Variants in ERG observed in about 807,000 individuals in gnomAD.
The protein encoded by ERG is ETS transcription factor ERG.
A neutral mutation model predicts 55.3 loss-of-function variants in ERG; 9 were observed. The observed-to-expected ratio is 0.16, with a 90% CI of 0.10 to 0.28. The LOEUF (loss-of-function observed/expected upper bound fraction) is 0.28. Among genes scored for constraint, ERG ranks in the 10% least tolerant of loss-of-function variants. ERG has a pLI of 1.00. For synonymous variants in ERG, 223 were observed against 237.3 expected (o/e 0.94, Z 0.55); for missense variants, 434 against 631.6 (o/e 0.69, Z 3.35).
intron 1 of ERG, among the ~76,000 whole-genome samples, chr21:38,476,040 G>A (rs981212909): frequency 2.6e-5 from 4 of 152,136 alleles, no homozygotes; most frequent in African/African-American, 7.2e-5. Context: ...AGGCAAATAT[G>A]TCATGATGAC....
chr21:38,474,419 G>C (rs1797440862), intron 1 of ERG, among the ~76,000 whole-genome samples: 1 of 152,172 alleles, frequency 6.6e-6, no homozygotes, highest in Admixed American at 6.5e-5. Context: ...CAGGCAGCAG[G>C]GTCCTGATGA....
chr21:38,414,061 A>C lies in ERG; in HGVS notation c.388+9349T>G, dbSNP rs78668292. On this transcript the variant is annotated intron_variant, in intron 3 of 9. Coordinates refer to ENST00000288319, the MANE Select transcript of ERG (RefSeq NM_182918.4). ...TAGTTCTGGAGGATCAAAGTCTGAA[A>C]TCAAGGTATCAGCAAGGCCTTGCTC... Among the ~76,000 whole-genome samples, 1,159 of 152,310 alleles carry C rather than the reference A, an allele frequency of 7.6e-3. 17 individuals are homozygous for C. The highest frequency in any genetic ancestry group is 0.048 in the Middle Eastern group (14 of 294).
chr21:38,428,715 C>A (rs1281104808), intron 2 of ERG, among the ~76,000 whole-genome samples: 1 of 152,062 alleles, frequency 6.6e-6, no homozygotes, highest in African/African-American at 2.4e-5. Flanking sequence ...TGCAGCAGTT[C>A]CTGAGAATAT....
chr21:38,367,881 A>G, the ERG span, among the ~76,000 whole-genome samples: 622 of 152,280 alleles, frequency 4.1e-3, 6 homozygotes, highest in African/African-American at 0.014. Flanking sequence ...GCAGAGAACA[A>G]TTAGAGTGCA....
intron 2 of ERG, among the ~76,000 whole-genome samples, chr21:38,566,676 C>T (rs962805206): frequency 1.1e-4 from 17 of 152,120 alleles, no homozygotes; most frequent in Non-Finnish European, 4.4e-5. Context: ...ACAGAAGCCA[C>T]GCAAAAGACA....
Position 38,429,532 on chromosome 21 carries a change from T to C in ERG, c.237-5971A>G, listed in dbSNP as rs559996252. Among the ~76,000 whole-genome samples the C allele has an allele frequency of 1.2e-4, 11 of 94,096 alleles. 5 individuals carry two copies. The highest frequency in any genetic ancestry group is 4.0e-4 in the Admixed American group (4 of 10,036). The allele number at this position is 94,096 out of a possible 152,430, so 61.7% of individuals were successfully genotyped here. On this transcript the variant is annotated intron_variant, in intron 2 of 9. Transcript: ENST00000288319. ...ATGTGTATATACATGTATGCACATG[T>C]ACATATATACATATGTGTATATGTA...
chr21:38,513,362 G>A lies in ERG; in HGVS notation c.-41+62300C>T, dbSNP rs138195338. On this transcript the variant is annotated intron_variant, in intron 2 of 8. Transcript: ENST00000398897. ...CCCAAAAACAGGGAATATTCAGATTGTAGGGGAAATTGGGTAAAGGATTTG... is the reference window on the plus strand; with the variant it reads ...CCCAAAAACAGGGAATATTCAGATTATAGGGGAAATTGGGTAAAGGATTTG... 6.3e-3 allele frequency among the ~76,000 whole-genome samples: 958 copies of A among 152,278 alleles called. 7 individuals carry two copies. The highest frequency in any genetic ancestry group is 0.011 in the Non-Finnish European group (715 of 68,018).
At chr21:38,617,962 A>G (rs1289486389) in intron 1 of ERG, among the ~76,000 whole-genome samples, 4 of 152,198 alleles carry the variant, frequency 2.6e-5, no homozygotes, top group Admixed American at 2.0e-4. Flanking sequence ...AGGCAGGACA[A>G]GGCCAGCCTG....
At chr21:38,577,940 C>T (rs1315597312) in intron 1 of ERG, among the ~76,000 whole-genome samples, 1 of 152,224 alleles carries the variant, frequency 6.6e-6, no homozygotes, top group Non-Finnish European at 1.5e-5. Flanking sequence ...ACCTGCAGAA[C>T]ACAGCAGAGG....
intron 2 of ERG, among the ~76,000 whole-genome samples, chr21:38,444,231 C>G (rs1445044973): frequency 1.3e-5 from 2 of 152,186 alleles, no homozygotes; most frequent in Non-Finnish European, 2.9e-5. Context: ...GGAAAATGCT[C>G]AGGGTGTGGA....
At chr21:38,634,077 T>C (rs2060373683) in intron 1 of ERG, among the ~76,000 whole-genome samples, 2 of 152,216 alleles carry the variant, frequency 1.3e-5, no homozygotes, top group African/African-American at 4.8e-5. Flanking sequence ...ATGATAACTC[T>C]AAAATACATA....
intron 1 of ERG, among the ~76,000 whole-genome samples, chr21:38,493,665 CAGCCTCGGCTCAGAACAGGACGAAGCCA>C (rs2059356153): frequency 6.6e-6 from 1 of 152,244 alleles, no homozygotes; most frequent in Non-Finnish European, 1.5e-5. Flanking sequence ...CCTCCTCCAG[CAGCCTCGGCTCAGAACAGGACGAAGCCA>C]ACCCTCTCTG....
At chr21:38,374,750 A>T in the ERG span, among the ~76,000 whole-genome samples, 10 of 152,322 alleles carry the variant, frequency 6.6e-5, no homozygotes, top group South Asian at 2.1e-3. Flanking sequence ...GTGTAGCAAG[A>T]TGCCCCAAGC....
chr21:38,637,708 A>G (rs1409527537), intron 1 of ERG, among the ~76,000 whole-genome samples: 2 of 152,216 alleles, frequency 1.3e-5, no homozygotes, highest in Non-Finnish European at 2.9e-5. Context: ...TTACTGTAAT[A>G]TCAACTGTCT....
chr21:38,641,795 C>G (rs1482334510), intron 1 of ERG, among the ~76,000 whole-genome samples: 2 of 151,996 alleles, frequency 1.3e-5, no homozygotes, highest in Non-Finnish European at 2.9e-5. Flanking sequence ...AGATACATAT[C>G]TTTCATCACA....
intron 1 of ERG, among the ~76,000 whole-genome samples, chr21:38,612,808 C>T (rs1189001945): frequency 2.0e-5 from 3 of 151,914 alleles, no homozygotes; most frequent in Non-Finnish European, 4.4e-5. Context: ...GGACTACAGG[C>T]GCCTGCCACC....
Position 38,579,828 on chromosome 21 carries a change from T to TA in ERG, c.-126-4082_-126-4081insT, listed in dbSNP as rs2060017430. ...CAACCCACACGGATCTCTGACTCTT[T>TA]TTTTTTTTTTGAGACGGAGTCTCTC... is the stretch of plus-strand genomic sequence containing the variant. On this transcript the variant is annotated intron_variant, in intron 1 of 8. Transcript: ENST00000398897. Among the ~76,000 whole-genome samples, 3 of 151,318 alleles carry TA rather than the reference T, an allele frequency of 2.0e-5. No homozygotes were observed. In the South Asian group the frequency reaches 6.3e-4, roughly 32 times the overall value.
intron 1 of ERG, among the ~76,000 whole-genome samples, chr21:38,656,762 AC>A (rs1249123675): frequency 2.0e-5 from 3 of 152,218 alleles, no homozygotes; most frequent in Admixed American, 1.3e-4. Context: ...GCATTTCTAC[AC>A]TTTCAAATGA....
intron 1 of ERG, among the ~76,000 whole-genome samples, chr21:38,482,546 G>A (rs374214204): frequency 2.6e-5 from 4 of 152,166 alleles, no homozygotes; most frequent in African/African-American, 4.8e-5. Context: ...TCACTATCTC[G>A]TAAAGATACC....
Sources: gnomAD v4.1 joint callset for allele counts (sites outside exome capture counted in the v4.1 genomes callset) on GRCh38, gnomAD v4.1.1 for gene constraint, MANE v1.5 for transcripts, NCBI Gene and HGNC (gene_info 2026-07-23, HGNC 2026-07-21) for gene names.